Variants in DLG2 observed in about 807,000 individuals in gnomAD.
DLG2 encodes the protein discs large MAGUK scaffold protein 2.
Under a neutral mutation model 132.5 loss-of-function variants are expected in DLG2, and 45 were observed. That is an observed-to-expected ratio of 0.34 (90% CI 0.27 to 0.44). The LOEUF is 0.44. Among genes scored for constraint, DLG2 ranks in the 20% least tolerant of loss-of-function variants. The probability of loss-of-function intolerance (pLI) is 1.00; values close to 1 mark genes in which losing one functional copy is unlikely to be tolerated. For missense variants in DLG2, 1,045 were observed against 1,196.9 expected, an observed-to-expected ratio of 0.87 and a Z score of 1.87; for synonymous variants, 424 against 419.6, an observed-to-expected ratio of 1.01 and a Z score of -0.13.
chr11:84,226,783 G>C (rs2097002247), intron 8 of DLG2, among the ~76,000 whole-genome samples: 1 of 152,010 alleles, frequency 6.6e-6, no homozygotes. Context: ...TGTGATGTGT[G>C]CAAGTTTAAT....
At chr11:84,049,114 A>C (rs2096299990) in intron 11 of DLG2, among the ~76,000 whole-genome samples, 1 of 151,712 alleles carries the variant, frequency 6.6e-6, no homozygotes, top group Non-Finnish European at 1.5e-5. Flanking sequence ...AAAAAAAACA[A>C]AAACCAGGAG....
At chr11:84,517,617 A>G (rs1056818424) in intron 7 of DLG2, among the ~76,000 whole-genome samples, 1 of 151,996 alleles carries the variant, frequency 6.6e-6, no homozygotes, top group Non-Finnish European at 1.5e-5. Context: ...AAATAGAACT[A>G]TATCATATAA....
At chr11:84,444,303 G>A (rs141393941) in intron 7 of DLG2, among the ~76,000 whole-genome samples, 4 of 152,166 alleles carry the variant, frequency 2.6e-5, no homozygotes, top group East Asian at 1.9e-4. Context: ...GGTGATCTGC[G>A]CAGCAAAACA....
Position 83,648,252 on chromosome 11 carries a change from A to G in DLG2, c.1826-14927T>C, listed in dbSNP as rs1403385754. Among the ~76,000 whole-genome samples the G allele has an allele frequency of 2.0e-5, 3 of 152,202 alleles. No homozygotes were observed. The East Asian group carries it at 5.8e-4, about 29-fold the overall frequency. On this transcript the variant is annotated intron_variant, in intron 18 of 27. Transcript: ENST00000376104. ...CACAGTACAGAGAGGAAGTACAAAG[A>G]GGATGGTGCTTAAGAAGAGTTAACA... is the stretch of plus-strand genomic sequence containing the variant.
At chr11:84,995,085 A>C (rs2057505318) in intron 6 of DLG2, among the ~76,000 whole-genome samples, 1 of 152,328 alleles carries the variant, frequency 6.6e-6, no homozygotes, top group South Asian at 2.1e-4. Flanking sequence ...CACTTATTCC[A>C]GTTTGAATAG....
chr11:83,725,038 C>A (rs2089721351), intron 18 of DLG2: 2 of 607,618 alleles, frequency 3.3e-6, no homozygotes, highest in South Asian at 2.0e-5. Context: ...GTAGGGCTAC[C>A]TTCCCAGGCT....
intron 3 of DLG2, among the ~76,000 whole-genome samples, chr11:85,478,177 A>G (rs995206162): frequency 6.6e-6 from 1 of 151,714 alleles, no homozygotes; most frequent in Non-Finnish European, 1.5e-5. Flanking sequence ...CTACTAACTT[A>G]TTTTATTTAT....
rs180900862 is a variant in DLG2 at position 84,051,841 on chromosome 11, G to T, written c.919+7474C>A. 4.0e-5 allele frequency among the ~76,000 whole-genome samples: 6 copies of T among 151,854 alleles called. No individual in the cohort carries two copies. In the East Asian group the frequency reaches 9.7e-4, roughly 25 times the overall value. The stretch of plus-strand genomic sequence containing the variant: ...ATGGCAGTAGAGATTTTAAAGAGAG[G>T]ATTAATATTTTGTAAGTGGCTTCCA... On this transcript the variant is annotated intron_variant, in intron 11 of 27. Coordinates refer to ENST00000376104, the MANE Select transcript of DLG2 (RefSeq NM_001142699.3).
At chr11:85,455,765 A>G (rs1199754311) in intron 3 of DLG2, among the ~76,000 whole-genome samples, 1 of 152,080 alleles carries the variant, frequency 6.6e-6, no homozygotes, top group East Asian at 1.9e-4. Context: ...GCTTTTTTGC[A>G]TCTATTGAGA....
At chr11:83,595,674 T>C (rs2057450517) in intron 19 of DLG2, among the ~76,000 whole-genome samples, 1 of 152,214 alleles carries the variant, frequency 6.6e-6, no homozygotes, top group Non-Finnish European at 1.5e-5. Flanking sequence ...CTCCTATTTT[T>C]TTCAGTCTTT....
intron 6 of DLG2, among the ~76,000 whole-genome samples, chr11:84,902,530 C>T (rs1164870138): frequency 6.6e-6 from 1 of 152,172 alleles, no homozygotes; most frequent in African/African-American, 2.4e-5. Flanking sequence ...CACAACATCT[C>T]TCCCCACAAT....
At chr11:84,342,679 A>T (rs1003696557) in intron 7 of DLG2, among the ~76,000 whole-genome samples, 5 of 152,188 alleles carry the variant, frequency 3.3e-5, no homozygotes, top group Admixed American at 1.3e-4. Flanking sequence ...AGCTATTATG[A>T]TTAGCTTATT....
intron 9 of DLG2, among the ~76,000 whole-genome samples, chr11:84,142,879 G>A (rs1019337964): frequency 1.3e-5 from 2 of 152,112 alleles, no homozygotes; most frequent in African/African-American, 4.8e-5. Context: ...ATGGCAGATT[G>A]TGTGACTTCT....
At chr11:84,571,129 C>G (rs2099482432) in intron 6 of DLG2, among the ~76,000 whole-genome samples, 1 of 151,934 alleles carries the variant, frequency 6.6e-6, no homozygotes, top group South Asian at 2.1e-4. Context: ...AAGGAGGTAC[C>G]CTGTTTTTTC....
At chr11:85,528,556 C>T (rs555419114) in intron 3 of DLG2, among the ~76,000 whole-genome samples, 4 of 152,172 alleles carry the variant, frequency 2.6e-5, no homozygotes, top group Non-Finnish European at 5.9e-5. Context: ...ACTGGTACAA[C>T]ACTTTGGAAA....
intron 26 of DLG2, among the ~76,000 whole-genome samples, chr11:83,464,380 G>A (rs985286501): frequency 1.3e-5 from 2 of 152,150 alleles, no homozygotes; most frequent in Non-Finnish European, 2.9e-5. Context: ...CTTTTGTTCC[G>A]GCTGACCTAG....
At chr11:85,189,301 T>TA (rs1011299296) in intron 4 of DLG2, among the ~76,000 whole-genome samples, 4 of 151,808 alleles carry the variant, frequency 2.6e-5, no homozygotes, top group Admixed American at 6.6e-5. Context: ...TGAACAAAAA[T>TA]AAAAAAAATT....
chr11:84,663,005 C>A (rs1490912272), intron 6 of DLG2, among the ~76,000 whole-genome samples: 2 of 151,970 alleles, frequency 1.3e-5, no homozygotes, highest in African/African-American at 4.8e-5. Context: ...TCACCCTCTT[C>A]CAATTTCCTA....
intron 6 of DLG2, among the ~76,000 whole-genome samples, chr11:84,643,722 G>A (rs755253811): frequency 3.9e-5 from 6 of 152,118 alleles, no homozygotes; most frequent in Non-Finnish European, 7.4e-5. Context: ...TAGGTGTATA[G>A]GGCTTTTAAC....
Sources: allele counts gnomAD v4.1 joint callset (sites outside exome capture counted in the v4.1 genomes callset), GRCh38; gene constraint gnomAD v4.1.1; transcripts MANE v1.5; gene names NCBI Gene and HGNC (gene_info 2026-07-23, HGNC 2026-07-21).